Variants in MDGA2 observed in about 807,000 individuals in gnomAD.
MDGA2 encodes MAM domain containing glycosylphosphatidylinositol anchor 2.
A neutral mutation model predicts 117.8 loss-of-function variants in MDGA2; 40 were observed. That is an observed-to-expected ratio of 0.34 (90% CI 0.26 to 0.44). MDGA2 has a LOEUF of 0.44. Among genes scored for constraint, MDGA2 ranks in the 20% least tolerant of loss-of-function variants. The pLI is 1.00. For missense variants in MDGA2, 1,123 were observed against 1,250.6 expected, an observed-to-expected ratio of 0.90 and a Z score of 1.54; for synonymous variants, 452 against 439.0, an observed-to-expected ratio of 1.03 and a Z score of -0.37.
At chr14:46,947,353 A>AT (rs1885207946) in intron 9 of MDGA2, among the ~76,000 whole-genome samples, 1 of 152,086 alleles carries the variant, frequency 6.6e-6, no homozygotes, top group Non-Finnish European at 1.5e-5. Flanking sequence ...CTTTTCAAAC[A>AT]TTTTTGTACT....
At chr14:47,173,412 A>C (rs576635289) in intron 3 of MDGA2, among the ~76,000 whole-genome samples, 2 of 152,342 alleles carry the variant, frequency 1.3e-5, no homozygotes, top group East Asian at 1.9e-4. Context: ...AGGTTGGGTT[A>C]CCCACAAAGG....
chr14:47,586,250 C>T (rs1896322996), intron 1 of MDGA2, among the ~76,000 whole-genome samples: 1 of 151,812 alleles, frequency 6.6e-6, no homozygotes, highest in South Asian at 2.1e-4. Context: ...CTACCATAAC[C>T]CTGACCAACA....
At chr14:47,344,934 A>G (rs1312316097) in intron 1 of MDGA2, among the ~76,000 whole-genome samples, 2 of 152,000 alleles carry the variant, frequency 1.3e-5, no homozygotes, top group African/African-American at 4.8e-5. Context: ...ATCATTATTT[A>G]ATAACAACTT....
chr14:47,065,998 C>T (rs1890066075), intron 6 of MDGA2, among the ~76,000 whole-genome samples: 1 of 152,112 alleles, frequency 6.6e-6, no homozygotes, highest in Non-Finnish European at 1.5e-5. Context: ...TTATTCTTTG[C>T]TGAAGAGAAT....
chr14:47,566,821 T>G (rs958403954), intron 1 of MDGA2, among the ~76,000 whole-genome samples: 1 of 151,926 alleles, frequency 6.6e-6, no homozygotes, highest in Non-Finnish European at 1.5e-5. Flanking sequence ...CGTGTGCAGA[T>G]CTGCTTGGAG....
At chr14:47,022,957 T>G (rs1488869854) in intron 8 of MDGA2, among the ~76,000 whole-genome samples, 1 of 151,838 alleles carries the variant, frequency 6.6e-6, no homozygotes, top group East Asian at 1.9e-4. Context: ...TGCTGTGGAG[T>G]GTGGTTACCC....
chr14:47,595,900 C>A (rs1365924987), intron 1 of MDGA2, among the ~76,000 whole-genome samples: 1 of 152,178 alleles, frequency 6.6e-6, no homozygotes, highest in Non-Finnish European at 1.5e-5. Flanking sequence ...GGGAACAAAT[C>A]TGACTTTAAT....
At chr14:46,846,737 A>T (rs1739064151) in intron 15 of MDGA2, among the ~76,000 whole-genome samples, 1 of 152,090 alleles carries the variant, frequency 6.6e-6, no homozygotes, top group Non-Finnish European at 1.5e-5. Context: ...AATCTTTTTG[A>T]TACTGTAAGG....
At chr14:47,651,288 T>C (rs1241237221) in intron 1 of MDGA2, among the ~76,000 whole-genome samples, 2 of 151,454 alleles carry the variant, frequency 1.3e-5, no homozygotes, top group African/African-American at 2.4e-5. Context: ...ATCCTATTGG[T>C]TCTGTTTCTC....
chr14:46,892,242 A>G (rs189676028), intron 10 of MDGA2, among the ~76,000 whole-genome samples: 1 of 152,046 alleles, frequency 6.6e-6, no homozygotes, highest in East Asian at 1.9e-4. Flanking sequence ...TGATAAGTCC[A>G]CCAAGAAGAC....
At chr14:47,584,781 T>C (rs977713992) in intron 1 of MDGA2, among the ~76,000 whole-genome samples, 1 of 151,824 alleles carries the variant, frequency 6.6e-6, no homozygotes, top group Admixed American at 6.6e-5. Context: ...CCTCCATGAA[T>C]TAATCATTGC....
chr14:46,901,797 C>T (rs1883296183), intron 10 of MDGA2, among the ~76,000 whole-genome samples: 1 of 152,124 alleles, frequency 6.6e-6, no homozygotes, highest in Non-Finnish European at 1.5e-5. Context: ...AGCCTGTGAC[C>T]AAAACTGAGC....
At chr14:46,863,871 A>G (rs1881612051) in intron 14 of MDGA2, among the ~76,000 whole-genome samples, 2 of 152,218 alleles carry the variant, frequency 1.3e-5, no homozygotes, top group African/African-American at 4.8e-5. Context: ...TAGCAGGTCT[A>G]TAACAAGTAC....
rs534550975 is a variant in MDGA2 at position 47,433,700 on chromosome 14, T to A, written c.281-132150A>T. ...ACATTGTTATTCCATGAAAATGGAA[T>A]AAAGCTGTAGACTTCAATTTGGGAT... is the stretch of plus-strand genomic sequence containing the variant. On this transcript the variant is annotated intron_variant, in intron 1 of 16. Coordinates refer to ENST00000399232, the MANE Select transcript of MDGA2 (RefSeq NM_001113498.3). 3.1e-3 allele frequency among the ~76,000 whole-genome samples: 466 copies of A among 152,270 alleles called. 4 individuals are homozygous for A. The highest frequency in any genetic ancestry group is 0.011 in the African/African-American group (442 of 41,578).
intron 1 of MDGA2, among the ~76,000 whole-genome samples, chr14:47,488,148 G>C (rs955395464): frequency 1.3e-5 from 2 of 152,164 alleles, no homozygotes; most frequent in African/African-American, 4.8e-5. Context: ...TTATTGAATC[G>C]AGTAGGTCAC....
chr14:47,615,962 A>T (rs879340340), intron 1 of MDGA2, among the ~76,000 whole-genome samples: 2 of 152,076 alleles, frequency 1.3e-5, no homozygotes, highest in African/African-American at 4.8e-5. Context: ...TGGAAATACT[A>T]AAGGGGGAGG....
At chr14:47,128,055 T>G (rs2139133653) in intron 5 of MDGA2, among the ~76,000 whole-genome samples, 1 of 152,270 alleles carries the variant, frequency 6.6e-6, no homozygotes. Flanking sequence ...CCTTATGAGC[T>G]GTGGGACCTT....
chr14:47,093,459 A>T (rs953047774), intron 6 of MDGA2, among the ~76,000 whole-genome samples: 2 of 152,112 alleles, frequency 1.3e-5, no homozygotes, highest in Non-Finnish European at 2.9e-5. Flanking sequence ...TGACATATCT[A>T]ACAGGAGTTT....
intron 1 of MDGA2, among the ~76,000 whole-genome samples, chr14:47,408,247 G>A (rs1356314794): frequency 6.6e-6 from 1 of 151,770 alleles, no homozygotes; most frequent in Non-Finnish European, 1.5e-5. Context: ...GTAGAGACAG[G>A]GTTTCACCAT....
Sources: allele counts gnomAD v4.1 joint callset (sites outside exome capture counted in the v4.1 genomes callset), GRCh38; gene constraint gnomAD v4.1.1; transcripts MANE v1.5; gene names NCBI Gene and HGNC (gene_info 2026-07-23, HGNC 2026-07-21).